The following GATAD2B variants were observed in gnomAD, a reference collection of about 807,000 sequenced individuals.
GATAD2B encodes GATA zinc finger domain containing 2B.
GATAD2B carries 8 observed loss-of-function variants against 64.3 expected under a neutral mutation model. The ratio of observed to expected loss-of-function variants is 0.12; its 90% confidence interval spans 0.07 to 0.22. The LOEUF (loss-of-function observed/expected upper bound fraction) is 0.22, where lower values mean the gene tolerates loss of function less well. Ranked by LOEUF, GATAD2B falls within the 10% of genes least tolerant of loss-of-function variation. The pLI, the probability that GATAD2B is intolerant of heterozygous loss-of-function variation, is 1.00. For synonymous variants in GATAD2B, 281 were observed against 271.3 expected (o/e 1.04, Z -0.35); for missense variants, 453 against 752.0 (o/e 0.60, Z 4.65).
intron 1 of GATAD2B, among the ~76,000 whole-genome samples, chr1:153,886,676 C>G (rs545815328): frequency 2.0e-5 from 3 of 151,506 alleles, no homozygotes; most frequent in Non-Finnish European, 4.4e-5. Flanking sequence ...CTCAGCCTCT[C>G]GACTAGCTGG....
At chr1:153,879,297 A>T (rs746015220) in intron 1 of GATAD2B, among the ~76,000 whole-genome samples, 19 of 144,052 alleles carry the variant, frequency 1.3e-4, no homozygotes, top group Non-Finnish European at 2.1e-4. Flanking sequence ...CTGATCTCAA[A>T]CTCCTGACCT....
intron 1 of GATAD2B, among the ~76,000 whole-genome samples, chr1:153,876,145 T>C (rs958956260): frequency 5.8e-5 from 8 of 137,432 alleles, no homozygotes; most frequent in Admixed American, 4.2e-4. Context: ...GGAGAATCGC[T>C]TGAACCCGGG....
At chr1:153,875,170 G>A (rs1440829720) in intron 1 of GATAD2B, among the ~76,000 whole-genome samples, 3 of 152,042 alleles carry the variant, frequency 2.0e-5, no homozygotes, top group East Asian at 3.8e-4. Context: ...AAGCCACCAC[G>A]CCCAGCCAAA....
At chr1:153,883,282 T>C (rs1238687149) in intron 1 of GATAD2B, among the ~76,000 whole-genome samples, 3 of 152,194 alleles carry the variant, frequency 2.0e-5, no homozygotes, top group Non-Finnish European at 4.4e-5. Context: ...AACTTCAATT[T>C]TCAGAAAACT....
At chr1:153,878,774 C>CA in intron 1 of GATAD2B, among the ~76,000 whole-genome samples, 1 of 108,142 alleles carries the variant, frequency 9.2e-6, no homozygotes, top group East Asian at 2.7e-4. Context: ...TACTTTATTC[C>CA]TTTTTTTTTT....
chr1:153,859,618 T>C (rs1676206456), intron 1 of GATAD2B, among the ~76,000 whole-genome samples: 1 of 145,728 alleles, frequency 6.9e-6, no homozygotes, highest in African/African-American at 2.6e-5. Flanking sequence ...TGCAGTGAGC[T>C]GAGACTGCAC....
intron 1 of GATAD2B, among the ~76,000 whole-genome samples, chr1:153,909,169 C>T (rs2101967039): frequency 6.6e-6 from 1 of 152,186 alleles, no homozygotes; most frequent in East Asian, 1.9e-4. Flanking sequence ...CACACAACTG[C>T]ATTCCAGCCT....
At chr1:153,881,871 A>C (rs374073718) in intron 1 of GATAD2B, among the ~76,000 whole-genome samples, 7 of 151,996 alleles carry the variant, frequency 4.6e-5, no homozygotes, top group African/African-American at 1.7e-4. Flanking sequence ...CCGTAAGAGA[A>C]GCTCTTTCTG....
rs1368324976 is a variant in GATAD2B, at chr1:153,869,282, A to G, written c.-1-40934T>C. ...ACTACAGCCCAGGCGACAGAGCAAG[A>G]CTATATCTCAAAAAAAAAAAAAGAC... On this transcript the variant is annotated intron_variant, in intron 1 of 10. Coordinates refer to ENST00000368655, the MANE Select transcript of GATAD2B (RefSeq NM_020699.4). Among the ~76,000 whole-genome samples the G allele has an allele frequency of 3.3e-5, 3 of 91,606 alleles. No individual in the cohort carries two copies. In the East Asian group the frequency reaches 7.2e-4, roughly 22 times the overall value. 60.1% of individuals were successfully genotyped at this position (91,606 alleles called of 152,430 possible).
At chr1:153,819,836 C>A in intron 2 of GATAD2B, 101 bp from the exon 3 acceptor site, 1 of 994,136 alleles carries the variant, frequency 1.0e-6, no homozygotes, top group Admixed American at 2.8e-5. Context: ...CGGTGGCTCA[C>A]TCCTGTAATC....
rs911559382 is a variant in GATAD2B at position 153,819,047 on chromosome 1, G to T, written c.466-125C>A. ...CCACAAGAAGCAGAAGTGGCAATAG[G>T]ATTATCTTTGTATCACTGGAGTCTG... On this transcript the variant is annotated intron_variant, in intron 3 of 10. Transcript: ENST00000368655. 3.2e-6 allele frequency: 3 copies of T among 927,378 alleles called. No homozygotes were observed. In the African/African-American group the frequency reaches 5.0e-5, roughly 15 times the overall value. 57.4% of individuals were successfully genotyped at this position (927,378 alleles called of 1,614,324 possible). A position where few individuals can be genotyped will look rare whatever the true frequency, so the allele number is the denominator to read the frequency against.
At chr1:153,811,531 A>G in intron 10 of GATAD2B, 200 bp downstream of exon 10, 1 of 648,410 alleles carries the variant, frequency 1.5e-6, no homozygotes, top group Non-Finnish European at 2.7e-6. Flanking sequence ...GGTCATTTTC[A>G]CCACCAAAAC....
At chr1:153,811,599 G>T (rs538922159) in intron 10 of GATAD2B, 132 bp downstream of exon 10, 2 of 722,324 alleles carry the variant, frequency 2.8e-6, no homozygotes, top group Admixed American at 2.4e-5. Flanking sequence ...CTGAGTAACA[G>T]AAGAGTGAGA....
At chr1:153,852,406 C>A (rs2101911732) in intron 1 of GATAD2B, 1 of 792,050 alleles carries the variant, frequency 1.3e-6, no homozygotes, top group South Asian at 1.4e-5. Context: ...GTTCTGTGGT[C>A]ATCATGGATG....
At chr1:153,855,109 GTATT>G (rs1236618642) in intron 1 of GATAD2B, among the ~76,000 whole-genome samples, 1 of 152,112 alleles carries the variant, frequency 6.6e-6, no homozygotes, top group African/African-American at 2.4e-5. Context: ...AATGGACTAA[GTATT>G]AAATAATATT....
In GATAD2B at chr1:153,818,217, T is replaced by C. The variant is rs561372320; in HGVS notation, c.598-46A>G. ...TAAGACTGTGGCCAATAATCACAGG[T>C]GGAAATTTGGTACATTTCTAGACTT... On this transcript the variant is annotated intron_variant, in intron 4 of 10. Coordinates refer to ENST00000368655, the MANE Select transcript of GATAD2B (RefSeq NM_020699.4). 1.2e-4 allele frequency: 182 copies of C among 1,528,418 alleles called. 2 individuals carry two copies. The South Asian group carries it at 2.1e-3, about 18-fold the overall frequency. 94.7% of individuals were successfully genotyped at this position (1,528,418 alleles called of 1,614,324 possible). A position where few individuals can be genotyped will look rare whatever the true frequency, so the allele number is the denominator to read the frequency against.
chr1:153,853,731 G>C (rs1675989102), intron 1 of GATAD2B, among the ~76,000 whole-genome samples: 1 of 152,088 alleles, frequency 6.6e-6, no homozygotes, highest in Non-Finnish European at 1.5e-5. Flanking sequence ...GAGTTTTATA[G>C]TTTCAGGTCT....
intron 2 of GATAD2B, among the ~76,000 whole-genome samples, chr1:153,824,268 CA>C (rs1421897081): frequency 6.6e-6 from 1 of 152,030 alleles, no homozygotes; most frequent in Non-Finnish European, 1.5e-5. Context: ...TCAGCCTGGG[CA>C]ACACAGCAAC....
chr1:153,820,583 T>C (rs895652183), intron 2 of GATAD2B, among the ~76,000 whole-genome samples: 2 of 152,206 alleles, frequency 1.3e-5, no homozygotes, highest in African/African-American at 4.8e-5. Flanking sequence ...CTTGAGATTG[T>C]CAGCGTAGTT....
Sources: allele counts gnomAD v4.1 joint callset (sites outside exome capture counted in the v4.1 genomes callset), GRCh38; gene constraint gnomAD v4.1.1; transcripts MANE v1.5; gene names NCBI Gene and HGNC (gene_info 2026-07-23, HGNC 2026-07-21).